The following ZNF613 variants were observed in gnomAD, a reference collection of about 807,000 sequenced individuals.
ZNF613 encodes the protein zinc finger protein 613.
In ZNF613, 8 loss-of-function variants were observed where a neutral mutation model predicts 14.3. The ratio of observed to expected loss-of-function variants is 0.56; its 90% confidence interval spans 0.33 to 1.01. The LOEUF is 1.01. Among genes scored for constraint, ZNF613 ranks in the 50% least tolerant of loss-of-function variants. The pLI is 0.03. For missense variants in ZNF613, 656 were observed against 741.9 expected (o/e 0.88, Z 1.35); for synonymous variants, 228 against 254.5 (o/e 0.90, Z 0.99).
In ZNF613 at chr19:51,943,741, G is replaced by A. The variant is rs578087211; in HGVS notation, c.236-378G>A. Reference sequence around the variant, plus strand: ...CATCCATGGTGTGGGGGGTGTCTTGGAACATATCGCCCATAGATGAGGGAT... The same window carrying A: ...CATCCATGGTGTGGGGGGTGTCTTGAAACATATCGCCCATAGATGAGGGAT... On this transcript the variant is annotated intron_variant, in intron 5 of 5. Coordinates refer to ENST00000293471, the MANE Select transcript of ZNF613 (RefSeq NM_001031721.4). Among the ~76,000 whole-genome samples the A allele has an allele frequency of 3.9e-5, 6 of 152,128 alleles. No individual in the cohort carries two copies. In the South Asian group the frequency reaches 1.3e-3, roughly 32 times the overall value.
At chr19:51,928,994 A>G (rs2085242678) in intron 1 of ZNF613, among the ~76,000 whole-genome samples, 1 of 152,144 alleles carries the variant, frequency 6.6e-6, no homozygotes, top group Non-Finnish European at 1.5e-5. Context: ...ACACGTAAAT[A>G]TTTTCTTTCA....
chr19:51,938,281 TTTTTC>T (rs2085320172), intron 3 of ZNF613, among the ~76,000 whole-genome samples: 2 of 152,226 alleles, frequency 1.3e-5, no homozygotes, highest in African/African-American at 2.4e-5. Flanking sequence ...ATTTTTCTTC[TTTTTC>T]TTTTCTTTTG....
chr19:51,927,743 G>A (rs1275520031), intron 1 of ZNF613, among the ~76,000 whole-genome samples: 1 of 152,094 alleles, frequency 6.6e-6, no homozygotes, highest in Admixed American at 6.5e-5. Context: ...GGAAGTCCGT[G>A]ATCAGGGTTT....
At position 51,945,529 on chromosome 19, in the gene ZNF613, C is replaced by T. The variant is rs146924779; in HGVS notation, c.1646C>T (p.Pro549Leu). Residue 549 changes from proline (P) to leucine (L), a missense_variant, in exon 6 of 6, where the codon CCT (proline) becomes CTT (leucine). Physicochemically the swap from Pro to Leu is moderately conservative, Grantham distance 98 (BLOSUM62 -3). Transcript: ENST00000293471. Reference sequence around the variant, plus strand: ...GTAGGTTCAGTCAAATTGGAAAATCCTTGCTCAGAGAGTCATAGCTTATCA... The same window carrying T: ...GTAGGTTCAGTCAAATTGGAAAATCTTTGCTCAGAGAGTCATAGCTTATCA... ...KCVGSVKLEN[P>L]CSESHSLSHT... 160 of 1,614,052 alleles carry T rather than the reference C, an allele frequency of 9.9e-5. No individual in the cohort carries two copies. The highest frequency in any genetic ancestry group is 1.6e-4 in the Middle Eastern group (1 of 6,084).
At position 51,944,812 on chromosome 19, in the gene ZNF613, A is replaced by G. The variant is rs1568467733; in HGVS notation, c.929A>G (p.His310Arg). Residue 310 changes from histidine (H) to arginine (R), a missense_variant, in exon 6 of 6, where the codon CAT becomes CGT. Transcript: ENST00000293471. ...KSRLINHQRV[H>R]TGEKPHGCSL... ...CGGCTCATTAATCATCAGAGAGTTC[A>G]TACAGGAGAGAAACCACATGGATGC... is the stretch of plus-strand genomic sequence containing the variant. The G allele has an allele frequency of 2.5e-6, 4 of 1,614,026 alleles. No individual in the cohort carries two copies. The highest frequency in any genetic ancestry group is 3.4e-6 in the Non-Finnish European group (4 of 1,179,996).
intron 2 of ZNF613, among the ~76,000 whole-genome samples, chr19:51,934,533 T>C (rs2085291451): frequency 1.3e-5 from 2 of 152,210 alleles, no homozygotes; most frequent in South Asian, 4.1e-4. Flanking sequence ...TTTTTAAATA[T>C]ACTTTTCTTT....
chr19:51,945,720 A>G lies in ZNF613; in HGVS notation c.1837A>G (p.Arg613Gly). Reference protein sequence around the residue: ...VARSSVSADSRICTE With the variant: ...VARSSVSADSGICTE The stretch of plus-strand genomic sequence containing the variant: ...CAGAAGTTCAGTCTCAGCAGATAGT[A>G]GAATTTGCACAGAATAAAAACCATA... Residue 613 changes from arginine to glycine, a missense_variant, in exon 6 of 6, where the codon AGA (arginine) becomes GGA (glycine). Arg to Gly is a moderately radical substitution (Grantham distance 125, BLOSUM62 -2). Coordinates refer to ENST00000293471, the MANE Select transcript of ZNF613 (RefSeq NM_001031721.4). The G allele has an allele frequency of 6.2e-7, 1 of 1,614,184 alleles. No homozygotes were observed. Among genetic ancestry groups the G allele is most frequent in the Non-Finnish European group, 8.5e-7 (1 of 1,180,022 alleles).
chr19:51,940,920 A>G (rs113048930), intron 5 of ZNF613, among the ~76,000 whole-genome samples: 36 of 151,826 alleles, frequency 2.4e-4, no homozygotes, highest in African/African-American at 8.2e-4. Context: ...TTTATTTTTT[A>G]TTTATTTTAT....
In ZNF613 at chr19:51,944,781, A is replaced by G; in HGVS notation, c.898A>G (p.Lys300Glu). 1 of 1,613,868 alleles carries G rather than the reference A, an allele frequency of 6.2e-7. No homozygotes were observed. Among genetic ancestry groups the G allele is most frequent in the Non-Finnish European group, 8.5e-7 (1 of 1,179,990 alleles). ...TGATTGTGGAAAAGGCTTCATCAAG[A>G]AGTCTCGGCTCATTAATCATCAGAG... Reference protein sequence around the residue: ...CSDCGKGFIKKSRLINHQRVH... With the variant: ...CSDCGKGFIKESRLINHQRVH... Residue 300 changes from lysine to glutamate, a missense_variant, in exon 6 of 6, where the codon AAG (lysine) becomes GAG (glutamate). Lys to Glu is a moderately conservative substitution (Grantham distance 56). Coordinates refer to ENST00000293471, the MANE Select transcript of ZNF613 (RefSeq NM_001031721.4).
chr19:51,932,524 C>T (rs374581700), intron 2 of ZNF613, among the ~76,000 whole-genome samples: 5 of 151,412 alleles, frequency 3.3e-5, no homozygotes, highest in East Asian at 2.0e-4. Context: ...CTCGAACTCC[C>T]GATCTCAGGT....
chr19:51,938,457 T>A (rs2085321267), intron 3 of ZNF613, among the ~76,000 whole-genome samples: 1 of 151,764 alleles, frequency 6.6e-6, no homozygotes, highest in Non-Finnish European at 1.5e-5. Flanking sequence ...AGAGATGGGG[T>A]TTTGCCATGT....
Position 51,927,488 on chromosome 19 carries a change from A to T in ZNF613, c.-411A>T, listed in dbSNP as rs2085223594. 6.6e-6 allele frequency: 1 copy of T among 151,170 alleles called. No homozygotes were observed. The highest frequency in any genetic ancestry group is 6.6e-5 in the Admixed American group (1 of 15,106). The allele number at this position is 151,170 out of a possible 1,614,324, so 9.4% of individuals were successfully genotyped here. On this transcript the variant is annotated 5_prime_UTR_variant, in exon 1 of 6. Transcript: ENST00000293471. The stretch of plus-strand genomic sequence containing the variant: ...TGGGGGAGGGCCCAGAAGTGGAATA[A>T]TTCAGGAAAGTGCAGGTTCTGGGAA...
Position 51,945,899 on chromosome 19 carries a change from G to C in ZNF613, c.*162G>C. 3 of 713,268 alleles carry C rather than the reference G, an allele frequency of 4.2e-6. No individual in the cohort carries two copies. The highest frequency in any genetic ancestry group is 6.8e-6 in the Non-Finnish European group (3 of 440,180). 44.2% of individuals were successfully genotyped at this position (713,268 alleles called of 1,614,324 possible). A position where few individuals can be genotyped will look rare whatever the true frequency, so the allele number is the denominator to read the frequency against. On this transcript the variant is annotated 3_prime_UTR_variant, in exon 6 of 6. Coordinates refer to ENST00000293471, the MANE Select transcript of ZNF613 (RefSeq NM_001031721.4). ...TACTCAGAGAAAAATAGTATGAAGT[G>C]GAGACTGGGAAATTCTTTTATGGGA...
rs528119402 is a variant in ZNF613, at chr19:51,935,017, G to C, written c.-193-1011G>C. ...GTGGGTTAAAGGATGAGTCAGTGCA[G>C]ACCCTGTGGGTTTGGAGCATGCAGG... is the stretch of plus-strand genomic sequence containing the variant. On this transcript the variant is annotated intron_variant, in intron 2 of 5. Transcript: ENST00000293471. Among the ~76,000 whole-genome samples, 24 of 152,328 alleles carry C rather than the reference G, an allele frequency of 1.6e-4. No individual in the cohort carries two copies. In the South Asian group the frequency reaches 5.0e-3, roughly 32 times the overall value.
At chr19:51,944,055 G>A in intron 5 of ZNF613, 64 bp from the exon 6 acceptor site, 2 of 1,409,904 alleles carry the variant, frequency 1.4e-6, no homozygotes, top group Non-Finnish European at 1.9e-6. Flanking sequence ...GCCTGTACAA[G>A]ACTGTTTGTG....
chr19:51,935,180 C>T (rs538749335), intron 2 of ZNF613, among the ~76,000 whole-genome samples: 3 of 152,220 alleles, frequency 2.0e-5, no homozygotes, highest in Non-Finnish European at 2.9e-5. Context: ...CCTCTGGGGC[C>T]GCCACTCTCT....
At chr19:51,933,672 C>T (rs920094699) in intron 2 of ZNF613, among the ~76,000 whole-genome samples, 10 of 152,156 alleles carry the variant, frequency 6.6e-5, no homozygotes, top group Admixed American at 2.0e-4. Context: ...CAGGTTCCCA[C>T]GTTGGGAATG....
At position 51,940,329 on chromosome 19, in the gene ZNF613, T is replaced by G. The variant is rs2085337727; in HGVS notation, c.136T>G (p.Ser46Ala). Residue 46 changes from serine (S) to alanine (A), a missense_variant, in exon 4 of 6, where the codon TCA becomes GCA. Transcript: ENST00000293471. The stretch of plus-strand genomic sequence containing the variant: ...GTTGGAGAACTATAGCAACCTCGTG[T>G]CAGTGGGTGAGGACAGCTGCCCTGT... The part of the protein sequence containing the change: ...VMLENYSNLV[S>A]VGYQASKPDA... 1.2e-6 allele frequency: 2 copies of G among 1,613,302 alleles called. No individual in the cohort carries two copies. Among genetic ancestry groups the G allele is most frequent in the Non-Finnish European group, 1.7e-6 (2 of 1,179,596 alleles).
rs759066031 is a variant in ZNF613 at position 51,945,458 on chromosome 19, A to G, written c.1575A>G (p.Ser525=). The G allele has an allele frequency of 3.1e-6, 5 of 1,614,230 alleles. No homozygotes were observed. Among genetic ancestry groups the G allele is most frequent in the South Asian group, 1.1e-5 (1 of 91,084 alleles). Residue 525 remains serine (S), a synonymous_variant, in exon 6 of 6, where the codon TCA becomes TCG. Coordinates refer to ENST00000293471, the MANE Select transcript of ZNF613 (RefSeq NM_001031721.4). ...GTGGGAAAGCTTTCTCCCACTTGTC[A>G]TGCCTTGTTTATCATAAGGGAATGC... ...SDCGKAFSHL[S]CLVYHKGMLH... is the part of the protein sequence containing the mutation.
Sources: gnomAD v4.1 joint callset for allele counts (sites outside exome capture counted in the v4.1 genomes callset) on GRCh38, gnomAD v4.1.1 for gene constraint, MANE v1.5 for transcripts, NCBI Gene and HGNC (gene_info 2026-07-23, HGNC 2026-07-21) for gene names.